Variants in ARHGAP18 observed in about 807,000 individuals in gnomAD.
ARHGAP18 encodes Rho GTPase activating protein 18, also known as rho GTPase-activating protein 18.
A neutral mutation model predicts 86.2 loss-of-function variants in ARHGAP18; 67 were observed. The ratio of observed to expected loss-of-function variants is 0.78; its 90% CI spans 0.64 to 0.95. ARHGAP18 has a LOEUF of 0.95. ARHGAP18 is among the 40% of genes least tolerant of loss of function. The pLI, the probability that ARHGAP18 is intolerant of heterozygous loss-of-function variation, is 0.00. For synonymous variants in ARHGAP18, 283 were observed against 280.4 expected, an observed-to-expected ratio of 1.01 and a Z score of -0.09; for missense variants, 691 against 780.4, an observed-to-expected ratio of 0.89 and a Z score of 1.37.
intron 5 of ARHGAP18, among the ~76,000 whole-genome samples, chr6:129,624,389 G>A (rs1028734798): frequency 3.3e-5 from 5 of 151,990 alleles, no homozygotes; most frequent in African/African-American, 1.2e-4. Flanking sequence ...AATTAGCCAG[G>A]CATGGTGGCA....
At chr6:129,659,984 A>T (rs1773918576) in intron 1 of ARHGAP18, among the ~76,000 whole-genome samples, 1 of 150,692 alleles carries the variant, frequency 6.6e-6, no homozygotes, top group African/African-American at 2.4e-5. Context: ...AAGCATGGAC[A>T]GTGGGTTTAG....
chr6:129,613,654 A>G (rs1437350829), intron 7 of ARHGAP18, among the ~76,000 whole-genome samples: 1 of 152,242 alleles, frequency 6.6e-6, no homozygotes, highest in Non-Finnish European at 1.5e-5. Context: ...AGCACCCAAT[A>G]GAGTTACGTA....
intron 12 of ARHGAP18, among the ~76,000 whole-genome samples, chr6:129,593,961 G>A (rs1463514433): frequency 6.6e-6 from 1 of 152,010 alleles, no homozygotes; most frequent in Admixed American, 6.6e-5. Flanking sequence ...ATTATAAACG[G>A]TTAGTTTTAA....
chr6:129,585,878 T>G (rs1325292813), intron 12 of ARHGAP18, among the ~76,000 whole-genome samples: 1 of 152,208 alleles, frequency 6.6e-6, no homozygotes, highest in African/African-American at 2.4e-5. Context: ...CCTCAATTCC[T>G]GCTTCATCTT....
chr6:129,623,545 G>A (rs1584056990), intron 5 of ARHGAP18, among the ~76,000 whole-genome samples: 1 of 152,212 alleles, frequency 6.6e-6, no homozygotes, highest in Admixed American at 6.5e-5. Flanking sequence ...ATGAAATGAG[G>A]TCAACAGAGA....
At chr6:129,667,467 A>ATGTGTG (rs1219093894) in intron 1 of ARHGAP18, among the ~76,000 whole-genome samples, 1 of 95,750 alleles carries the variant, frequency 1.0e-5, no homozygotes, top group Non-Finnish European at 2.2e-5. Flanking sequence ...AGAAAAATAT[A>ATGTGTG]TATGTGTGTG....
At chr6:129,626,692 C>CAT (rs1206644901) in intron 5 of ARHGAP18, among the ~76,000 whole-genome samples, 1 of 130,260 alleles carries the variant, frequency 7.7e-6, no homozygotes, top group Non-Finnish European at 1.8e-5. Flanking sequence ...CACACACACA[C>CAT]ACACACAGAC....
chr6:129,586,813 G>T (rs1339959578), intron 12 of ARHGAP18, among the ~76,000 whole-genome samples: 1 of 152,114 alleles, frequency 6.6e-6, no homozygotes, highest in East Asian at 1.9e-4. Context: ...TGGATAAAAA[G>T]GCCCAGCAGC....
chr6:129,620,546 A>G (rs1789206063), intron 5 of ARHGAP18, among the ~76,000 whole-genome samples: 1 of 152,250 alleles, frequency 6.6e-6, no homozygotes, highest in South Asian at 2.1e-4. Context: ...TAGTGTGTAC[A>G]TTTAATACAA....
rs1584046134 is a variant in ARHGAP18, at chr6:129,612,982, C to T, written c.1045-1372G>A. Among the ~76,000 whole-genome samples, 8 of 152,012 alleles carry T rather than the reference C, an allele frequency of 5.3e-5. No individual in the cohort carries two copies. The South Asian group carries it at 1.7e-3, about 32-fold the overall frequency. On this transcript the variant is annotated intron_variant, in intron 7 of 14. Transcript: ENST00000368149. The stretch of plus-strand genomic sequence containing the variant: ...GGCATGGTGGCTCACCCCTGTAATC[C>T]CAGCACTTTGGGAGGGCGAGGCGGG...
At chr6:129,581,670 C>T (rs1378193938) in intron 13 of ARHGAP18, among the ~76,000 whole-genome samples, 1 of 152,010 alleles carries the variant, frequency 6.6e-6, no homozygotes, top group East Asian at 1.9e-4. Context: ...CAATCCTTTA[C>T]CAAAGAATGA....
At chr6:129,645,857 G>A (rs189261736) in intron 1 of ARHGAP18, among the ~76,000 whole-genome samples, 159 of 152,168 alleles carry the variant, frequency 1.0e-3, no homozygotes, top group African/African-American at 3.6e-3. Flanking sequence ...TTGCTAGCAT[G>A]TCCTCCATGC....
intron 13 of ARHGAP18, among the ~76,000 whole-genome samples, chr6:129,582,446 T>C (rs1346434084): frequency 6.6e-6 from 1 of 152,190 alleles, no homozygotes. Context: ...GAGCTGCTTA[T>C]ATCTGAAGTC....
intron 5 of ARHGAP18, among the ~76,000 whole-genome samples, chr6:129,619,255 G>C (rs755518762): frequency 2.3e-4 from 2 of 8,636 alleles, no homozygotes; most frequent in East Asian, 3.4e-3. Context: ...GAAGGGGAGA[G>C]AGAGGGGGAG....
chr6:129,660,001 G>A (rs961479591), intron 1 of ARHGAP18, among the ~76,000 whole-genome samples: 1 of 152,112 alleles, frequency 6.6e-6, no homozygotes, highest in East Asian at 1.9e-4. Context: ...TTAGAGAACC[G>A]TGAGTGCGGT....
At chr6:129,689,142 T>C (rs1312575093) in intron 1 of ARHGAP18, among the ~76,000 whole-genome samples, 2 of 152,182 alleles carry the variant, frequency 1.3e-5, no homozygotes, top group Non-Finnish European at 2.9e-5. Flanking sequence ...TGATCATCTC[T>C]GAGGCCTTGT....
At chr6:129,684,729 A>G (rs1774397305) in intron 1 of ARHGAP18, among the ~76,000 whole-genome samples, 1 of 152,200 alleles carries the variant, frequency 6.6e-6, no homozygotes, top group South Asian at 2.1e-4. Flanking sequence ...TCACGTGTTT[A>G]GCATATAATC....
intron 2 of ARHGAP18, among the ~76,000 whole-genome samples, 176 bp downstream of exon 2, chr6:129,641,640 G>T (rs931946393): frequency 6.6e-6 from 1 of 152,158 alleles, no homozygotes; most frequent in African/African-American, 2.4e-5. Flanking sequence ...TATGCCACTT[G>T]TATCTGGCAG....
intron 13 of ARHGAP18, among the ~76,000 whole-genome samples, chr6:129,582,582 A>T (rs1788311193): frequency 6.6e-6 from 1 of 152,166 alleles, no homozygotes; most frequent in Non-Finnish European, 1.5e-5. Context: ...CTTTGCAGAA[A>T]CTGCAAGACA....
Sources: gnomAD v4.1 joint callset for allele counts (sites outside exome capture counted in the v4.1 genomes callset) on GRCh38, gnomAD v4.1.1 for gene constraint, MANE v1.5 for transcripts, NCBI Gene and HGNC (gene_info 2026-07-23, HGNC 2026-07-21) for gene names.